Variants in TGM4 observed in about 807,000 individuals in gnomAD.
TGM4 encodes transglutaminase 4, also known as protein-glutamine gamma-glutamyltransferase 4.
TGM4 carries 61 observed loss-of-function variants against 76.3 expected under a neutral mutation model. The ratio of observed to expected loss-of-function variants is 0.80; its 90% CI spans 0.65 to 0.99. The LOEUF is 0.99. TGM4 is among the 50% of genes least tolerant of loss of function. TGM4 has a pLI of 0.00. For missense variants in TGM4, 794 were observed against 843.2 expected (o/e 0.94, Z 0.72); for synonymous variants, 337 against 329.8 (o/e 1.02, Z -0.24).
intron 4 of TGM4, 74 bp downstream of exon 4, chr3:44,890,806 T>C (rs1382328475): frequency 6.4e-7 from 1 of 1,555,014 alleles, no homozygotes. Context: ...ATGCATAGTC[T>C]ATGAGCTTTT....
chr3:44,895,720 G>A (rs191543791), intron 5 of TGM4, among the ~76,000 whole-genome samples: 3 of 152,330 alleles, frequency 2.0e-5, no homozygotes, highest in Admixed American at 1.3e-4. Context: ...CATAAACATT[G>A]TGGTCTATTC....
chr3:44,913,537 T>C, intron 13 of TGM4, 47 bp from the exon 14 acceptor site: 2 of 1,582,522 alleles, frequency 1.3e-6, no homozygotes, highest in Non-Finnish European at 8.6e-7. Flanking sequence ...CCTCTTCCCA[T>C]AACATCCTTG....
chr3:44,886,888 A>C (rs1699615243), intron 2 of TGM4, among the ~76,000 whole-genome samples: 1 of 152,374 alleles, frequency 6.6e-6, no homozygotes, highest in African/African-American at 2.4e-5. Flanking sequence ...CCAGCAAGAC[A>C]GAAAGCAGCA....
intron 6 of TGM4, chr3:44,899,641 G>A (rs1187031013): frequency 2.6e-5 from 4 of 152,224 alleles, no homozygotes; most frequent in East Asian, 1.9e-4. Context: ...AGGGAACCTC[G>A]GCGCAGCAGT....
chr3:44,875,592 G>A (rs918390912), intron 1 of TGM4, among the ~76,000 whole-genome samples: 4 of 151,976 alleles, frequency 2.6e-5, no homozygotes, highest in Non-Finnish European at 4.4e-5. Context: ...GGTGCTGCTA[G>A]GGAACAACGA....
intron 6 of TGM4, 31 bp downstream of exon 6, chr3:44,896,847 C>T (rs376288968): frequency 6.3e-7 from 1 of 1,581,268 alleles, no homozygotes; most frequent in Non-Finnish European, 8.7e-7. Context: ...CTGATGCTGT[C>T]TTGTACTTGC....
chr3:44,888,037 G>A (rs1368367308), intron 3 of TGM4: 2 of 514,700 alleles, frequency 3.9e-6, no homozygotes, highest in East Asian at 3.3e-5. Flanking sequence ...CCATTTCAAA[G>A]GGAACAATGT....
chr3:44,889,813 C>T (rs907207089), intron 3 of TGM4, among the ~76,000 whole-genome samples: 17 of 152,076 alleles, frequency 1.1e-4, no homozygotes, highest in African/African-American at 3.4e-4. Flanking sequence ...CTCCAAAAGA[C>T]AGCTGACATT....
rs1700051537 is a variant in TGM4 at position 44,914,227 on chromosome 3, CTCTA to C, written c.*505_*508del. On this transcript the variant is annotated 3_prime_UTR_variant, in exon 14 of 14. Transcript: ENST00000296125. ...CCTCCTATTGCCTCCATTCTCCTCT[CTCTA>C]TCCCTGAAATCCAGGAAGTCCCTCT... 6.5e-6 allele frequency: 1 copy of C among 154,120 alleles called. No homozygotes were observed. Among genetic ancestry groups the C allele is most frequent in the Admixed American group, 6.4e-5 (1 of 15,642 alleles). The allele number at this position is 154,120 out of a possible 1,614,324, so 9.5% of individuals were successfully genotyped here.
chr3:44,907,052 G>C lies in TGM4; in HGVS notation c.1179G>C (p.Arg393Ser), dbSNP rs1340695453. Residue 393 changes from arginine (R) to serine (S), a missense_variant, in exon 10 of 14, where the codon AGG (arginine) becomes AGC (serine). Transcript: ENST00000296125. ...TCTTCTCAGAAGTGAATGGTGACAGGCTCATCTGGTTGGTGAAGATGGTGA... is the reference window on the plus strand; with the variant it reads ...TCTTCTCAGAAGTGAATGGTGACAGCCTCATCTGGTTGGTGAAGATGGTGA... ...RFVFSEVNGD[R>S]LIWLVKMVNG... The C allele has an allele frequency of 6.2e-7, 1 of 1,614,044 alleles. No homozygotes were observed. The highest frequency in any genetic ancestry group is 2.2e-5 in the East Asian group (1 of 44,892).
At chr3:44,897,000 CTTTTT>C (rs59154155) in intron 6 of TGM4, among the ~76,000 whole-genome samples, 184 bp downstream of exon 6, 3 of 104,362 alleles carry the variant, frequency 2.9e-5, no homozygotes, top group Non-Finnish European at 3.8e-5. Flanking sequence ...GTTTTCTTTT[CTTTTT>C]TTTTTTTTTT....
At chr3:44,890,489 C>A (rs1270780315) in intron 3 of TGM4, 114 bp from the exon 4 acceptor site, 1 of 1,448,050 alleles carries the variant, frequency 6.9e-7, no homozygotes, top group Non-Finnish European at 9.4e-7. Flanking sequence ...TGTCTCCAGG[C>A]TGGTTCCAGA....
At chr3:44,897,194 C>CG (rs762501031) in intron 6 of TGM4, among the ~76,000 whole-genome samples, 2 of 151,636 alleles carry the variant, frequency 1.3e-5, no homozygotes, top group Admixed American at 6.6e-5. Context: ...TTAGTAGAGA[C>CG]GGGGTTTCAC....
At chr3:44,893,872 G>C (rs1049729264) in intron 5 of TGM4, among the ~76,000 whole-genome samples, 177 bp downstream of exon 5, 2 of 151,550 alleles carry the variant, frequency 1.3e-5, no homozygotes, top group African/African-American at 4.9e-5. Flanking sequence ...CACAGATGGG[G>C]TGGAGTCCTG....
Position 44,901,876 on chromosome 3 carries a change from A to G in TGM4, c.916A>G (p.Thr306Ala), listed in dbSNP as rs1281333496. The G allele has an allele frequency of 2.5e-6, 4 of 1,614,198 alleles. No homozygotes were observed. Among genetic ancestry groups the G allele is most frequent in the Non-Finnish European group, 3.4e-6 (4 of 1,180,026 alleles). The part of the protein sequence containing the change: ...HDTERNLTVD[T>A]YVNENGEKIT... The stretch of plus-strand genomic sequence containing the variant: ...CACAGAAAGGAACCTCACGGTGGAC[A>G]CCTATGTGAATGAGAATGGCGAGAA... The change falls in exon 8 of 14, where the codon ACC becomes GCC. Residue 306 changes from threonine to alanine, a missense_variant. Coordinates refer to ENST00000296125, the MANE Select transcript of TGM4 (RefSeq NM_003241.4).
At chr3:44,892,059 C>G (rs1255600261) in intron 4 of TGM4, among the ~76,000 whole-genome samples, 1 of 151,690 alleles carries the variant, frequency 6.6e-6, no homozygotes, top group Non-Finnish European at 1.5e-5. Context: ...GAGATCAAGA[C>G]CATCCTGGAT....
rs150759248 is a variant in TGM4 at position 44,904,369 on chromosome 3, G to A, written c.1075+382G>A. Reference sequence around the variant, plus strand: ...CAGGGAGGTGAAGTGAGTTGCCTGAGGTCACACAGATCCACAAGGCTGGAC... The same window carrying A: ...CAGGGAGGTGAAGTGAGTTGCCTGAAGTCACACAGATCCACAAGGCTGGAC... On this transcript the variant is annotated intron_variant, in intron 9 of 13. Transcript: ENST00000296125. Among the ~76,000 whole-genome samples the A allele has an allele frequency of 5.7e-3, 867 of 152,292 alleles. 7 individuals are homozygous for A. The highest frequency in any genetic ancestry group is 7.5e-3 in the Non-Finnish European group (508 of 68,012).
intron 1 of TGM4, among the ~76,000 whole-genome samples, chr3:44,875,057 C>A (rs1325067327): frequency 2.0e-5 from 3 of 152,158 alleles, no homozygotes; most frequent in Non-Finnish European, 4.4e-5. Flanking sequence ...GAGTAAGTTG[C>A]AGATATTACA....
chr3:44,913,284 TA>T (rs1449796003), intron 13 of TGM4, among the ~76,000 whole-genome samples: 1 of 152,216 alleles, frequency 6.6e-6, no homozygotes, highest in African/African-American at 2.4e-5. Context: ...CTGTTGCTAA[TA>T]CTCATGAAAC....
Sources: gnomAD v4.1 joint callset for allele counts (sites outside exome capture counted in the v4.1 genomes callset) on GRCh38, gnomAD v4.1.1 for gene constraint, MANE v1.5 for transcripts, NCBI Gene and HGNC (gene_info 2026-07-23, HGNC 2026-07-21) for gene names.